Variants in SRGAP2 observed in about 807,000 individuals in gnomAD.
The protein encoded by SRGAP2 is SLIT-ROBO Rho GTPase-activating protein 2.
Under a neutral mutation model 57.2 loss-of-function variants are expected in SRGAP2, and 15 were observed. The observed-to-expected ratio is 0.26, with a 90% CI of 0.18 to 0.40. SRGAP2 has a LOEUF of 0.40. Ranked by LOEUF, SRGAP2 falls within the 10% of genes least tolerant of loss-of-function variation. SRGAP2 has a pLI of 1.00. For missense variants in SRGAP2, 520 were observed against 669.6 expected (o/e 0.78, Z 2.47); for synonymous variants, 249 against 248.0 (o/e 1.00, Z -0.04).
intron 3 of SRGAP2, among the ~76,000 whole-genome samples, chr1:206,322,428 A>G (rs1553327955): frequency 1.3e-5 from 2 of 151,638 alleles, no homozygotes; most frequent in East Asian, 3.9e-4. Flanking sequence ...CAAAAAAAAA[A>G]AATTAGCCGG....
At chr1:206,451,613 G>C (rs1663312125) in intron 19 of SRGAP2, among the ~76,000 whole-genome samples, 1 of 152,088 alleles carries the variant, frequency 6.6e-6, no homozygotes, top group South Asian at 2.1e-4. Flanking sequence ...AGATCCTGAT[G>C]TCATAAGGAT....
At chr1:206,423,744 T>G (rs1218669895) in intron 13 of SRGAP2, among the ~76,000 whole-genome samples, 2 of 151,838 alleles carry the variant, frequency 1.3e-5, no homozygotes, top group Non-Finnish European at 2.9e-5. Context: ...TGCCAGATAA[T>G]GCATATTCAC....
chr1:206,411,073 G>C (rs1258887579), intron 10 of SRGAP2, among the ~76,000 whole-genome samples: 1 of 152,174 alleles, frequency 6.6e-6, no homozygotes, highest in East Asian at 1.9e-4. Context: ...TGTTGGCCAG[G>C]CTGGTCTCAA....
chr1:206,363,440 C>T (rs1290237612), intron 4 of SRGAP2, among the ~76,000 whole-genome samples: 1 of 152,040 alleles, frequency 6.6e-6, no homozygotes, highest in Non-Finnish European at 1.5e-5. Context: ...TAAAAAATCT[C>T]GTATAAGCAC....
chr1:206,375,725 G>C (rs1326543248), intron 4 of SRGAP2, among the ~76,000 whole-genome samples: 1 of 152,004 alleles, frequency 6.6e-6, no homozygotes, highest in Admixed American at 6.6e-5. Flanking sequence ...CCCTTGTCCC[G>C]AGTATGCCTG....
intron 12 of SRGAP2, 91 bp downstream of exon 12, chr1:206,419,491 T>C (rs1660103044): frequency 2.6e-6 from 2 of 770,248 alleles, no homozygotes; most frequent in South Asian, 2.7e-5. Context: ...AGTTGAGTTG[T>C]AAAGGCATTG....
chr1:206,367,144 A>G (rs1437194266), intron 4 of SRGAP2, among the ~76,000 whole-genome samples: 2 of 152,190 alleles, frequency 1.3e-5, no homozygotes, highest in East Asian at 1.9e-4. Flanking sequence ...GCTTATTTTT[A>G]TAGTTCTGCT....
chr1:206,418,551 T>C (rs1396035173), intron 11 of SRGAP2, among the ~76,000 whole-genome samples: 2 of 152,378 alleles, frequency 1.3e-5, no homozygotes, highest in East Asian at 3.9e-4. Context: ...TTGAGCTTCA[T>C]TAACTGTGGT....
At chr1:206,354,967 T>C (rs1173751120) in intron 4 of SRGAP2, among the ~76,000 whole-genome samples, 1 of 152,178 alleles carries the variant, frequency 6.6e-6, no homozygotes, top group Admixed American at 6.5e-5. Flanking sequence ...AAAAATATGA[T>C]ATAAAGAACA....
chr1:206,268,368 C>T (rs1229545092), intron 2 of SRGAP2, among the ~76,000 whole-genome samples: 3 of 148,058 alleles, frequency 2.0e-5, no homozygotes, highest in South Asian at 2.2e-4. Flanking sequence ...ATAGTTTGCT[C>T]AGAATGATGG....
intron 13 of SRGAP2, among the ~76,000 whole-genome samples, chr1:206,425,990 G>A (rs782364080): frequency 6.6e-6 from 1 of 151,914 alleles, no homozygotes; most frequent in Admixed American, 6.6e-5. Context: ...GGGATTACAG[G>A]CATCTGCTGC....
chr1:206,438,120 G>A (rs1661939160), intron 16 of SRGAP2, 22 bp downstream of exon 16: 1 of 780,218 alleles, frequency 1.3e-6, no homozygotes, highest in Non-Finnish European at 2.4e-6. Flanking sequence ...TCTGGCTTCA[G>A]ATTGGCTTCT....
At chr1:206,375,166 C>G (rs1335617848) in intron 4 of SRGAP2, among the ~76,000 whole-genome samples, 5 of 150,572 alleles carry the variant, frequency 3.3e-5, no homozygotes, top group African/African-American at 7.4e-5. Context: ...CTCTTTCCCC[C>G]GATTCTCTCC....
chr1:206,349,495 G>A (rs1181846825), intron 4 of SRGAP2, among the ~76,000 whole-genome samples: 2 of 148,104 alleles, frequency 1.4e-5, no homozygotes, highest in African/African-American at 4.9e-5. Flanking sequence ...GTGATAGGCT[G>A]AGTAATGCCT....
At chr1:206,407,097 A>G (rs1271544307) in intron 10 of SRGAP2, 2 of 34,254 alleles carry the variant, frequency 5.8e-5, no homozygotes, top group Non-Finnish European at 4.4e-5. Context: ...CATAATTCCA[A>G]AACATCGTAT....
intron 7 of SRGAP2, among the ~76,000 whole-genome samples, chr1:206,394,668 G>A (rs1657393996): frequency 6.6e-6 from 1 of 152,058 alleles, no homozygotes; most frequent in African/African-American, 2.4e-5. Flanking sequence ...GATGCAAAGG[G>A]GATTGAGGAA....
At chr1:206,416,181 G>A (rs1198870877) in intron 11 of SRGAP2, among the ~76,000 whole-genome samples, 3 of 152,218 alleles carry the variant, frequency 2.0e-5, no homozygotes, top group Non-Finnish European at 4.4e-5. Context: ...GCACTAACGT[G>A]TATCATCTAG....
chr1:206,374,013 C>G (rs1201861597), intron 4 of SRGAP2, among the ~76,000 whole-genome samples: 1 of 136,892 alleles, frequency 7.3e-6, no homozygotes, highest in Non-Finnish European at 1.5e-5. Flanking sequence ...CGGGTAGATA[C>G]ACATTCTTTT....
chr1:206,436,095 AT>A (rs11412848), intron 14 of SRGAP2, among the ~76,000 whole-genome samples: 31 of 149,796 alleles, frequency 2.1e-4, no homozygotes, highest in East Asian at 1.6e-3. Context: ...TTTTGGGGGG[AT>A]TTTTTTTTTA....
Sources: gnomAD v4.1 joint callset for allele counts (sites outside exome capture counted in the v4.1 genomes callset) on GRCh38, gnomAD v4.1.1 for gene constraint, MANE v1.5 for transcripts, NCBI Gene and HGNC (gene_info 2026-07-23, HGNC 2026-07-21) for gene names.